The following TOX3 variants were observed in gnomAD, a reference collection of about 807,000 sequenced individuals.
TOX3 encodes the protein TOX high mobility group box family member 3.
TOX3 carries 22 observed loss-of-function variants against 64.3 expected under a neutral mutation model. The ratio of observed to expected loss-of-function variants is 0.34; its 90% CI spans 0.24 to 0.49. The LOEUF (loss-of-function observed/expected upper bound fraction) is 0.49. TOX3 is among the 20% of genes least tolerant of loss of function. The pLI, the probability that TOX3 is intolerant of heterozygous loss-of-function variation, is 0.99. For synonymous variants in TOX3, 291 were observed against 273.6 expected (o/e 1.06, Z -0.63); for missense variants, 661 against 714.4 (o/e 0.93, Z 0.85).
chr16:52,470,382 G>T (rs1961008205), intron 1 of TOX3, among the ~76,000 whole-genome samples: 1 of 152,084 alleles, frequency 6.6e-6, no homozygotes. Flanking sequence ...TTTAAATGTA[G>T]GTTTTGTTGG....
chr16:52,445,543 C>G (rs941625061), intron 5 of TOX3: 2 of 153,412 alleles, frequency 1.3e-5, no homozygotes, highest in African/African-American at 2.4e-5. Flanking sequence ...TTCAAATGCC[C>G]GGTGACAATA....
intron 1 of TOX3, among the ~76,000 whole-genome samples, chr16:52,536,524 G>C (rs1351393918): frequency 1.3e-5 from 2 of 149,854 alleles, no homozygotes; most frequent in African/African-American, 4.9e-5. Flanking sequence ...AAAGTACACA[G>C]GGATAGATCT....
intron 5 of TOX3, chr16:52,444,828 T>A (rs1960116439): frequency 6.6e-6 from 1 of 152,432 alleles, no homozygotes; most frequent in African/African-American, 2.4e-5. Flanking sequence ...ACAGGTAAAA[T>A]GATGAAGACA....
intron 1 of TOX3, among the ~76,000 whole-genome samples, chr16:52,509,650 C>T (rs547169887): frequency 2.6e-5 from 4 of 152,316 alleles, no homozygotes; most frequent in African/African-American, 9.6e-5. Flanking sequence ...GCCAATCACA[C>T]ACGCCCACTC....
intron 1 of TOX3, among the ~76,000 whole-genome samples, chr16:52,473,872 A>C (rs1276226818): frequency 6.6e-6 from 1 of 152,196 alleles, no homozygotes; most frequent in African/African-American, 2.4e-5. Flanking sequence ...AATCATATAT[A>C]GTTATGTATA....
chr16:52,501,677 CA>C (rs1262600811), intron 1 of TOX3, among the ~76,000 whole-genome samples: 1 of 135,268 alleles, frequency 7.4e-6, no homozygotes, highest in African/African-American at 3.4e-5. Context: ...AACAAACAAA[CA>C]AACAAAAAAA....
chr16:52,445,854 T>C, intron 5 of TOX3, 140 bp downstream of exon 5: 6 of 800,472 alleles, frequency 7.5e-6, no homozygotes, highest in Non-Finnish European at 1.2e-5. Flanking sequence ...TATGTCTGGG[T>C]TTTTAAATTC....
rs745922294 is a variant in TOX3 at position 52,446,352 on chromosome 16, C to T, written c.679-131G>A. ...TCAACAGATGAATCACCACCAAAAG[C>T]GGGGGAGGGGTAAACTTGCTTGGAG... is the stretch of plus-strand genomic sequence containing the variant. On this transcript the variant is annotated intron_variant, in intron 4 of 6. Transcript: ENST00000219746. The T allele has an allele frequency of 1.1e-3, 1,041 of 931,286 alleles. 1 individual carries two copies. Among genetic ancestry groups the T allele is most frequent in the Non-Finnish European group, 1.5e-3 (951 of 637,846 alleles). 57.7% of individuals were successfully genotyped at this position (931,286 alleles called of 1,614,324 possible). A position where few individuals can be genotyped will look rare whatever the true frequency, so the allele number is the denominator to read the frequency against.
At chr16:52,518,189 C>A (rs967502672) in intron 1 of TOX3, among the ~76,000 whole-genome samples, 5 of 152,146 alleles carry the variant, frequency 3.3e-5, no homozygotes, top group African/African-American at 9.7e-5. Flanking sequence ...AAATTGATAT[C>A]TTTTCCGTAT....
rs150842325 is a variant in TOX3 at position 52,536,091 on chromosome 16, G to A, written c.87+10546C>T. On this transcript the variant is annotated intron_variant, in intron 1 of 6. Coordinates refer to ENST00000219746, the MANE Select transcript of TOX3 (RefSeq NM_001080430.4). ...GTTCACTTCTTACCACATTTTATGT[G>A]CCAGGCACTTCTCTAAATGTGAGAT... Among the ~76,000 whole-genome samples, 10 of 152,214 alleles carry A rather than the reference G, an allele frequency of 6.6e-5. No individual in the cohort carries two copies. The East Asian group carries it at 1.9e-3, about 29-fold the overall frequency.
At chr16:52,518,780 A>G (rs1174259849) in intron 1 of TOX3, among the ~76,000 whole-genome samples, 1 of 152,224 alleles carries the variant, frequency 6.6e-6, no homozygotes, top group Admixed American at 6.5e-5. Flanking sequence ...AAGAACAACC[A>G]CTTTGCTGGA....
At chr16:52,456,914 A>G (rs1960535087) in intron 3 of TOX3, among the ~76,000 whole-genome samples, 1 of 152,208 alleles carries the variant, frequency 6.6e-6, no homozygotes, top group African/African-American at 2.4e-5. Context: ...AATTAGCCCC[A>G]AACTGAGTCT....
chr16:52,523,110 G>C (rs1010341854), intron 1 of TOX3, among the ~76,000 whole-genome samples: 2 of 152,228 alleles, frequency 1.3e-5, no homozygotes, highest in Non-Finnish European at 1.5e-5. Flanking sequence ...GAGAGTATCA[G>C]GGAAAGCAAT....
chr16:52,500,542 A>C (rs189607838), intron 1 of TOX3, among the ~76,000 whole-genome samples: 12 of 152,288 alleles, frequency 7.9e-5, no homozygotes, highest in Non-Finnish European at 1.2e-4. Context: ...AAAATCTATA[A>C]TCCTACTAGA....
chr16:52,544,696 T>C (rs1963139096), intron 1 of TOX3, among the ~76,000 whole-genome samples: 4 of 152,342 alleles, frequency 2.6e-5, no homozygotes, highest in South Asian at 4.1e-4. Context: ...TCAAGCTTTA[T>C]ATACCCTCCC....
chr16:52,474,224 G>A (rs1459527990), intron 1 of TOX3, among the ~76,000 whole-genome samples: 2 of 152,010 alleles, frequency 1.3e-5, no homozygotes. Context: ...CAATCATCAG[G>A]AGATTCTGTT....
intron 1 of TOX3, among the ~76,000 whole-genome samples, chr16:52,500,407 GCATTCGATC>G (rs1961970612): frequency 6.6e-6 from 1 of 152,086 alleles, no homozygotes; most frequent in South Asian, 2.1e-4. Flanking sequence ...CAGTTAATCG[GCATTCGATC>G]ATATGAAGCA....
intron 1 of TOX3, among the ~76,000 whole-genome samples, chr16:52,482,063 T>G (rs12921126): frequency 0.31 from 47,085 of 152,030 alleles, 7,610 homozygotes; most frequent in South Asian, 0.39. Flanking sequence ...TTTTCATTAG[T>G]TTGAGTATGT....
chr16:52,453,266 C>A (rs1960412644), intron 3 of TOX3, among the ~76,000 whole-genome samples: 1 of 151,816 alleles, frequency 6.6e-6, no homozygotes, highest in African/African-American at 2.4e-5. Flanking sequence ...TCACTGCAAC[C>A]TCCACCTCCC....
Sources: gnomAD v4.1 joint callset for allele counts (sites outside exome capture counted in the v4.1 genomes callset) on GRCh38, gnomAD v4.1.1 for gene constraint, MANE v1.5 for transcripts, NCBI Gene and HGNC (gene_info 2026-07-23, HGNC 2026-07-21) for gene names.